The following THRB variants were observed in gnomAD, a reference collection of about 807,000 sequenced individuals.
THRB encodes the protein thyroid hormone receptor beta.
THRB carries 12 observed loss-of-function variants against 47.8 expected under a neutral mutation model. The ratio of observed to expected loss-of-function variants is 0.25; its 90% confidence interval spans 0.16 to 0.41. THRB has a LOEUF of 0.41. Among genes scored for constraint, THRB ranks in the 10% least tolerant of loss-of-function variants. The pLI, the probability that THRB is intolerant of heterozygous loss-of-function variation, is 1.00. For missense variants in THRB, 348 were observed against 589.2 expected (o/e 0.59, Z 4.24); for synonymous variants, 218 against 212.2 (o/e 1.03, Z -0.24).
intron 3 of THRB, among the ~76,000 whole-genome samples, chr3:24,292,090 A>T (rs1420916292): frequency 1.3e-5 from 2 of 152,208 alleles, no homozygotes; most frequent in Non-Finnish European, 2.9e-5. Flanking sequence ...GAGAGGTATG[A>T]AAAGGTGCCA....
chr3:24,468,315 T>C (rs958560445), intron 1 of THRB, among the ~76,000 whole-genome samples: 1 of 152,238 alleles, frequency 6.6e-6, no homozygotes, highest in Admixed American at 6.5e-5. Flanking sequence ...CACTTTCTTA[T>C]CATTCATGTG....
intron 4 of THRB, among the ~76,000 whole-genome samples, chr3:24,220,008 A>T (rs1253681295): frequency 1.3e-5 from 2 of 152,216 alleles, no homozygotes; most frequent in Non-Finnish European, 2.9e-5. Flanking sequence ...GGTGGGGCCC[A>T]GACACTGGTA....
chr3:24,358,714 C>T (rs2063863454), intron 1 of THRB, among the ~76,000 whole-genome samples: 1 of 152,072 alleles, frequency 6.6e-6, no homozygotes, highest in South Asian at 2.1e-4. Context: ...ACTGGGCTCT[C>T]CTCTTTGTCT....
At chr3:24,457,022 T>C (rs2073235104) in intron 1 of THRB, among the ~76,000 whole-genome samples, 1 of 152,174 alleles carries the variant, frequency 6.6e-6, no homozygotes, top group Non-Finnish European at 1.5e-5. Flanking sequence ...AATTAAGCTT[T>C]ATTGGACTAC....
intron 1 of THRB, among the ~76,000 whole-genome samples, chr3:24,362,053 C>T (rs887758186): frequency 1.4e-4 from 22 of 152,122 alleles, no homozygotes; most frequent in Admixed American, 1.4e-3. Context: ...CGAATGCTTA[C>T]AATGGGCCAA....
chr3:24,472,616 A>G (rs1694871590), intron 1 of THRB, among the ~76,000 whole-genome samples: 1 of 152,230 alleles, frequency 6.6e-6, no homozygotes, highest in South Asian at 2.1e-4. Context: ...AAAGAATGCC[A>G]ACAGCAACTG....
At chr3:24,319,621 T>C (rs1342385210) in intron 2 of THRB, among the ~76,000 whole-genome samples, 1 of 152,204 alleles carries the variant, frequency 6.6e-6, no homozygotes, top group Non-Finnish European at 1.5e-5. Context: ...TGGAAATGTT[T>C]TGTATGTTCT....
At chr3:24,195,039 G>T (rs1002881663) in intron 4 of THRB, among the ~76,000 whole-genome samples, 2 of 152,190 alleles carry the variant, frequency 1.3e-5, no homozygotes, top group Admixed American at 1.3e-4. Context: ...CAGAGAGTGT[G>T]TAGAATTATC....
intron 5 of THRB, among the ~76,000 whole-genome samples, chr3:24,184,666 G>A (rs2149512387): frequency 6.6e-6 from 1 of 152,258 alleles, no homozygotes; most frequent in African/African-American, 2.4e-5. Context: ...TATGCCCACA[G>A]TGGGGAGAGA....
intron 1 of THRB, among the ~76,000 whole-genome samples, chr3:24,440,145 A>AT (rs1343248126): frequency 1.3e-5 from 2 of 152,132 alleles, no homozygotes; most frequent in Non-Finnish European, 2.9e-5. Context: ...TTCTAGATTG[A>AT]TTTTTTTAAA....
At chr3:24,478,615 G>T (rs1220853826) in intron 1 of THRB, among the ~76,000 whole-genome samples, 1 of 152,146 alleles carries the variant, frequency 6.6e-6, no homozygotes, top group African/African-American at 2.4e-5. Context: ...AGGATAGGAA[G>T]AGGCAGTGAG....
At chr3:24,294,055 C>G (rs917568474) in intron 3 of THRB, among the ~76,000 whole-genome samples, 5 of 152,210 alleles carry the variant, frequency 3.3e-5, no homozygotes, top group African/African-American at 1.2e-4. Context: ...CTGCGGCTTG[C>G]TTTGATCAAC....
chr3:24,229,067 C>T, intron 3 of THRB, 66 bp from the exon 4 acceptor site: 1 of 975,320 alleles, frequency 1.0e-6, no homozygotes, highest in Non-Finnish European at 1.6e-6. Flanking sequence ...GGTTTTGTTC[C>T]AAACAATATC....
chr3:24,492,337 A>T (rs1036727612), intron 1 of THRB, among the ~76,000 whole-genome samples: 9 of 152,212 alleles, frequency 5.9e-5, no homozygotes, highest in African/African-American at 1.7e-4. Context: ...TTGCAAATAC[A>T]ATAAAGGAAA....
chr3:24,463,610 C>T (rs1220779821), intron 1 of THRB, among the ~76,000 whole-genome samples: 1 of 152,122 alleles, frequency 6.6e-6, no homozygotes, highest in African/African-American at 2.4e-5. Context: ...TTTTCAAAGG[C>T]ACAGGTAAAT....
intron 1 of THRB, among the ~76,000 whole-genome samples, chr3:24,398,051 T>C (rs1385477248): frequency 1.3e-5 from 2 of 152,164 alleles, no homozygotes; most frequent in African/African-American, 4.8e-5. Flanking sequence ...TTCTATCTTA[T>C]ACTATAACTG....
chr3:24,467,841 G>C (rs1451478828), intron 1 of THRB, among the ~76,000 whole-genome samples: 1 of 152,032 alleles, frequency 6.6e-6, no homozygotes, highest in Non-Finnish European at 1.5e-5. Flanking sequence ...CTTCAACATA[G>C]TCATCTGCTG....
intron 5 of THRB, among the ~76,000 whole-genome samples, chr3:24,159,323 C>T (rs778107260): frequency 2.5e-4 from 38 of 152,162 alleles, no homozygotes; most frequent in Admixed American, 3.9e-4. Context: ...CATGGATGTG[C>T]GCTTTAGGGA....
chr3:24,242,611 T>C (rs1042407516), intron 3 of THRB, among the ~76,000 whole-genome samples: 1 of 152,208 alleles, frequency 6.6e-6, no homozygotes, highest in African/African-American at 2.4e-5. Context: ...CAGCTGCTCC[T>C]TGCACAATGC....
Sources: gnomAD v4.1 joint callset for allele counts (sites outside exome capture counted in the v4.1 genomes callset) on GRCh38, gnomAD v4.1.1 for gene constraint, MANE v1.5 for transcripts, NCBI Gene and HGNC (gene_info 2026-07-23, HGNC 2026-07-21) for gene names.